Variants in NISCH observed in about 807,000 individuals in gnomAD.
The protein encoded by NISCH is I-1 receptor candidate protein.
NISCH carries 55 observed loss-of-function variants against 138.4 expected under a neutral mutation model. The ratio of observed to expected loss-of-function variants is 0.40; its 90% CI spans 0.32 to 0.50. NISCH has a LOEUF of 0.50. NISCH is among the 20% of genes least tolerant of loss of function. The probability of loss-of-function intolerance (pLI) is 0.71; values close to 1 mark genes in which losing one functional copy is unlikely to be tolerated. For synonymous variants in NISCH, 860 were observed against 861.5 expected, an observed-to-expected ratio of 1.00 and a Z score of 0.03; for missense variants, 1,643 against 2,005.5, an observed-to-expected ratio of 0.82 and a Z score of 3.45.
chr3:52,478,203 A>G lies in NISCH; in HGVS notation c.1094A>G (p.Asn365Ser). The change falls in exon 10 of 21, where the codon AAC (asparagine) becomes AGC (serine). Residue 365 changes from asparagine to serine, a missense_variant. Asn to Ser is a conservative substitution (Grantham distance 46). Transcript: ENST00000345716. ...ATCAAGACCTTAAACCTGGCAGGCA[A>G]CCTCCTAGAGAGTCTGAGTGGCCTG... ...GNIKTLNLAG[N>S]LLESLSGLHK... 1 of 1,613,906 alleles carries G rather than the reference A, an allele frequency of 6.2e-7. No individual in the cohort carries two copies. The highest frequency in any genetic ancestry group is 1.3e-5 in the African/African-American group (1 of 74,958).
At chr3:52,468,705 G>C (rs371130722) in intron 3 of NISCH, among the ~76,000 whole-genome samples, 19 of 152,098 alleles carry the variant, frequency 1.2e-4, no homozygotes, top group Non-Finnish European at 2.5e-4. Flanking sequence ...GTCCCTTAAA[G>C]CTGTGGCTCT....
intron 6 of NISCH, among the ~76,000 whole-genome samples, chr3:52,473,005 G>A (rs1443433399): frequency 6.6e-6 from 1 of 152,212 alleles, no homozygotes; most frequent in Non-Finnish European, 1.5e-5. Context: ...CCCGTGAAGA[G>A]GGCACTTTTA....
intron 16 of NISCH, among the ~76,000 whole-genome samples, 164 bp from the exon 17 acceptor site, chr3:52,489,172 G>A (rs1707493421): frequency 1.3e-5 from 2 of 152,182 alleles, no homozygotes; most frequent in Admixed American, 1.3e-4. Flanking sequence ...GAGCCACCGT[G>A]CCCGGCCGTG....
At chr3:52,464,475 T>A (rs1706723433) in intron 3 of NISCH, among the ~76,000 whole-genome samples, 2 of 151,592 alleles carry the variant, frequency 1.3e-5, no homozygotes, top group Non-Finnish European at 2.9e-5. Context: ...GCTACTAGAC[T>A]TTTAGAAACA....
intron 2 of NISCH, among the ~76,000 whole-genome samples, chr3:52,458,216 A>C (rs960757642): frequency 9.2e-5 from 14 of 152,204 alleles, no homozygotes; most frequent in Admixed American, 4.6e-4. Flanking sequence ...GACAGGTTTG[A>C]ACTTGTTTGA....
At chr3:52,484,475 C>T in intron 13 of NISCH, 38 bp from the exon 14 acceptor site, 1 of 1,295,598 alleles carries the variant, frequency 7.7e-7, no homozygotes, top group South Asian at 1.5e-5. Flanking sequence ...CCGCCCCACC[C>T]ACCCTGCCTG....
intron 13 of NISCH, among the ~76,000 whole-genome samples, chr3:52,483,634 G>A (rs1361277158): frequency 6.6e-6 from 1 of 152,240 alleles, no homozygotes. Flanking sequence ...ACGTCCTGTG[G>A]TAAGTGGGAC....
chr3:52,462,559 C>T (rs1706665345), intron 3 of NISCH, among the ~76,000 whole-genome samples: 1 of 152,226 alleles, frequency 6.6e-6, no homozygotes, highest in South Asian at 2.1e-4. Context: ...AATTGTTCCA[C>T]ATGTGTTCTG....
intron 3 of NISCH, among the ~76,000 whole-genome samples, chr3:52,460,398 CTA>C (rs1309941779): frequency 4.0e-5 from 4 of 98,934 alleles, no homozygotes; most frequent in Non-Finnish European, 7.5e-5. Flanking sequence ...TATGGCTGTA[CTA>C]TTTTTTTTTT....
intron 13 of NISCH, chr3:52,481,923 T>G (rs1237693268): frequency 1.0e-6 from 1 of 985,230 alleles, no homozygotes; most frequent in African/African-American, 1.7e-5. Flanking sequence ...TGTGTGCACC[T>G]CTCTTTCCTT....
intron 3 of NISCH, 157 bp from the exon 4 acceptor site, chr3:52,470,702 G>C (rs910132016): frequency 1.5e-6 from 1 of 686,070 alleles, no homozygotes; most frequent in Non-Finnish European, 2.7e-6. Flanking sequence ...CCCTTTCTAA[G>C]CTTCTTGCTT....
chr3:52,461,336 C>T (rs1204340872), intron 3 of NISCH, among the ~76,000 whole-genome samples: 6 of 152,146 alleles, frequency 3.9e-5, no homozygotes, highest in Non-Finnish European at 7.4e-5. Flanking sequence ...AATTTGGTGG[C>T]GAGTGCTAAC....
chr3:52,490,515 C>G (rs1378468747), intron 18 of NISCH, among the ~76,000 whole-genome samples, 190 bp from the exon 19 acceptor site: 1 of 152,208 alleles, frequency 6.6e-6, no homozygotes, highest in African/African-American at 2.4e-5. Context: ...CACAGGAAGC[C>G]CTAGCCAGCG....
At chr3:52,485,139 C>T (rs1216684519) in intron 14 of NISCH, among the ~76,000 whole-genome samples, 1 of 152,162 alleles carries the variant, frequency 6.6e-6, no homozygotes, top group Non-Finnish European at 1.5e-5. Context: ...GTTCTGGGGC[C>T]CCTTCCTTTG....
In NISCH at chr3:52,458,758, C is replaced by G; in HGVS notation, c.274C>G (p.Leu92Val). Residue 92 changes from leucine to valine, a missense_variant, in exon 3 of 21, where the codon CTG becomes GTG. Physicochemically the swap from Leu to Val is conservative, Grantham distance 32 (BLOSUM62 1). Transcript: ENST00000345716. ...CTTGGTGGAGAAGAGGGAGAAGGATCTGGAGGTCTACCTCCAGAAGCTCCT... is the reference window on the plus strand; with the variant it reads ...CTTGGTGGAGAAGAGGGAGAAGGATGTGGAGGTCTACCTCCAGAAGCTCCT... ...RSLVEKREKD[L>V]EVYLQKLLAA... 6.2e-7 allele frequency: 1 copy of G among 1,613,798 alleles called. No individual in the cohort carries two copies. Among genetic ancestry groups the G allele is most frequent in the Non-Finnish European group, 8.5e-7 (1 of 1,180,010 alleles).
chr3:52,463,391 T>C (rs1036570795), intron 3 of NISCH, among the ~76,000 whole-genome samples: 1 of 152,264 alleles, frequency 6.6e-6, no homozygotes, highest in Non-Finnish European at 1.5e-5. Flanking sequence ...TTTTGGCCAT[T>C]GCAAATGATG....
In NISCH at chr3:52,488,613, C is replaced by A. The variant is rs201440393; in HGVS notation, c.3113+8C>A. 17 of 1,600,422 alleles carry A rather than the reference C, an allele frequency of 1.1e-5. No homozygotes were observed. The highest frequency in any genetic ancestry group is 5.5e-5 in the South Asian group (5 of 90,262). On this transcript the variant is annotated splice_region_variant and intron_variant, in intron 16 of 20. Transcript: ENST00000345716. Reference sequence around the variant, plus strand: ...TGCCGAGCGCAGGGCCAGGTGAGATCAAGCACAGCTCTCAGGGGCCCCGGG... The same window carrying A: ...TGCCGAGCGCAGGGCCAGGTGAGATAAAGCACAGCTCTCAGGGGCCCCGGG...
intron 6 of NISCH, 30 bp downstream of exon 6, chr3:52,472,428 C>A (rs764759138): frequency 1.9e-6 from 3 of 1,557,352 alleles, no homozygotes; most frequent in Non-Finnish European, 2.7e-6. Context: ...AGCATCCTCT[C>A]GCTCCCAACT....
At position 52,492,378 on chromosome 3, in the gene NISCH, G is replaced by A; in HGVS notation, c.4411G>A (p.Val1471Met). The A allele has an allele frequency of 2.5e-6, 4 of 1,613,292 alleles. No individual in the cohort carries two copies. The highest frequency in any genetic ancestry group is 3.4e-6 in the Non-Finnish European group (4 of 1,180,034). The change falls in exon 21 of 21, where the codon GTG becomes ATG. Residue 1471 changes from valine to methionine, a missense_variant. Physicochemically the swap from Val to Met is conservative, Grantham distance 21. Coordinates refer to ENST00000345716, the MANE Select transcript of NISCH (RefSeq NM_007184.4). ...ASQGREVQWQ[V>M]FVPSAESREK... ...CCAGGGCCGTGAAGTCCAGTGGCAG[G>A]TGTTTGTCCCCAGTGCTGAGAGCAG...
Sources: gnomAD v4.1 joint callset for allele counts (sites outside exome capture counted in the v4.1 genomes callset) on GRCh38, gnomAD v4.1.1 for gene constraint, MANE v1.5 for transcripts, NCBI Gene and HGNC (gene_info 2026-07-23, HGNC 2026-07-21) for gene names.